The following RAPGEF2 variants were observed in gnomAD, a reference collection of about 807,000 sequenced individuals.
RAPGEF2 encodes the protein PDZ domain containing guanine nucleotide exchange factor (GEF) 1.
RAPGEF2 carries 54 observed loss-of-function variants against 186.7 expected under a neutral mutation model. That is an observed-to-expected ratio of 0.29 (90% CI 0.23 to 0.36). The LOEUF is 0.36. RAPGEF2 is among the 10% of genes least tolerant of loss of function. The probability of loss-of-function intolerance (pLI) is 1.00; values close to 1 mark genes in which losing one functional copy is unlikely to be tolerated. For missense variants in RAPGEF2, 1,532 were observed against 2,045.0 expected, an observed-to-expected ratio of 0.75 and a Z score of 4.84; for synonymous variants, 712 against 705.9, an observed-to-expected ratio of 1.01 and a Z score of -0.14.
intron 1 of RAPGEF2, among the ~76,000 whole-genome samples, chr4:159,113,610 C>T (rs1222151255): frequency 4.6e-5 from 7 of 151,694 alleles, no homozygotes; most frequent in African/African-American, 1.2e-4. Context: ...GGAGTGGTGG[C>T]GCATGCTTGT....
At chr4:159,278,179 C>T (rs1230988206) in intron 7 of RAPGEF2, among the ~76,000 whole-genome samples, 1 of 152,120 alleles carries the variant, frequency 6.6e-6, no homozygotes, top group South Asian at 2.1e-4. Flanking sequence ...CCAGTTTTCC[C>T]AGTACCATCT....
intron 1 of RAPGEF2, among the ~76,000 whole-genome samples, chr4:159,159,174 C>T (rs75642792): frequency 0.01 from 1,595 of 152,296 alleles, 36 homozygotes; most frequent in African/African-American, 0.036. Context: ...GTTTGCAGCG[C>T]CCGTCCACAG....
chr4:159,349,865 C>T (rs56145594), intron 25 of RAPGEF2, among the ~76,000 whole-genome samples: 17,670 of 152,194 alleles, frequency 0.12, 1,107 homozygotes, highest in Admixed American at 0.2. Context: ...GTGACTACTT[C>T]AAAGTTTAGA....
intron 4 of RAPGEF2, among the ~76,000 whole-genome samples, chr4:159,216,363 G>T (rs1375103906): frequency 6.6e-6 from 1 of 152,082 alleles, no homozygotes; most frequent in Non-Finnish European, 1.5e-5. Flanking sequence ...TTCAAAGATG[G>T]GTATTTTAAT....
chr4:159,185,000 C>T (rs545534348), intron 1 of RAPGEF2, among the ~76,000 whole-genome samples: 15 of 152,266 alleles, frequency 9.9e-5, no homozygotes, highest in Admixed American at 5.9e-4. Context: ...GGAATCCTTT[C>T]CCCATTTCTT....
At chr4:159,150,600 G>C (rs1164554566) in intron 1 of RAPGEF2, among the ~76,000 whole-genome samples, 2 of 152,188 alleles carry the variant, frequency 1.3e-5, no homozygotes, top group Non-Finnish European at 2.9e-5. Context: ...CTTGTTTACT[G>C]TATAAGAATT....
chr4:159,296,821 T>C (rs1177150126), intron 7 of RAPGEF2, among the ~76,000 whole-genome samples: 1 of 152,218 alleles, frequency 6.6e-6, no homozygotes, highest in African/African-American at 2.4e-5. Context: ...TATTCCTCTC[T>C]TCCATTTTCA....
chr4:159,220,390 T>C (rs1751419318), intron 4 of RAPGEF2, among the ~76,000 whole-genome samples: 1 of 152,086 alleles, frequency 6.6e-6, no homozygotes, highest in South Asian at 2.1e-4. Flanking sequence ...GGGGGAGGTG[T>C]TAGCTTTTGA....
chr4:159,307,847 T>C (rs897258761), intron 8 of RAPGEF2, among the ~76,000 whole-genome samples: 2 of 152,056 alleles, frequency 1.3e-5, no homozygotes, highest in African/African-American at 4.8e-5. Context: ...GGTGCATGCC[T>C]ATAGTCCCAG....
chr4:159,166,888 C>T (rs1333995532), intron 1 of RAPGEF2, among the ~76,000 whole-genome samples: 1 of 152,046 alleles, frequency 6.6e-6, no homozygotes, highest in Non-Finnish European at 1.5e-5. Context: ...CTGATGTGGG[C>T]AAACACTGGA....
intron 1 of RAPGEF2, among the ~76,000 whole-genome samples, chr4:159,146,872 C>T (rs556666432): frequency 6.6e-6 from 1 of 152,326 alleles, no homozygotes; most frequent in East Asian, 1.9e-4. Context: ...CTCATACTGT[C>T]TGTAATATCT....
intron 7 of RAPGEF2, among the ~76,000 whole-genome samples, chr4:159,291,314 A>G (rs1554028000): frequency 6.6e-6 from 1 of 152,022 alleles, no homozygotes; most frequent in Non-Finnish European, 1.5e-5. Flanking sequence ...TATTTTTATC[A>G]TTTTTTGAGA....
At chr4:159,268,060 C>A in intron 7 of RAPGEF2, 1 of 1,372,274 alleles carries the variant, frequency 7.3e-7, no homozygotes, top group Non-Finnish European at 9.6e-7. Context: ...TTTTTTTTTT[C>A]CTTTTTCTTT....
At chr4:159,259,479 T>A (rs2110733769) in intron 7 of RAPGEF2, among the ~76,000 whole-genome samples, 1 of 152,338 alleles carries the variant, frequency 6.6e-6, no homozygotes, top group African/African-American at 2.4e-5. Context: ...AGCACAGCTA[T>A]CTTTTTTTCT....
intron 17 of RAPGEF2, among the ~76,000 whole-genome samples, chr4:159,335,698 G>A (rs1561302258): frequency 6.6e-6 from 1 of 152,100 alleles, no homozygotes; most frequent in African/African-American, 2.4e-5. Context: ...AGCCGGGCAT[G>A]GTGGCGGACG....
chr4:159,229,911 TC>T (rs1213016587), intron 4 of RAPGEF2, among the ~76,000 whole-genome samples: 2 of 152,208 alleles, frequency 1.3e-5, no homozygotes, highest in Non-Finnish European at 2.9e-5. Flanking sequence ...TAATTTTTTT[TC>T]TTTTTTGATA....
At chr4:159,340,174 G>C (rs1729193143) in intron 19 of RAPGEF2, among the ~76,000 whole-genome samples, 1 of 152,142 alleles carries the variant, frequency 6.6e-6, no homozygotes, top group African/African-American at 2.4e-5. Context: ...GTGTTTCACT[G>C]TATTTGACTT....
At chr4:159,217,782 T>TAAGC (rs1427852330) in intron 4 of RAPGEF2, among the ~76,000 whole-genome samples, 1 of 152,238 alleles carries the variant, frequency 6.6e-6, no homozygotes, top group Non-Finnish European at 1.5e-5. Context: ...CAATAGTGTA[T>TAAGC]AAGCGTTTGC....
At chr4:159,313,440 T>G (rs910019832) in intron 8 of RAPGEF2, among the ~76,000 whole-genome samples, 1 of 152,150 alleles carries the variant, frequency 6.6e-6, no homozygotes, top group African/African-American at 2.4e-5. Context: ...GTTTTAAGGA[T>G]TAGATGAGTT....
Sources: gnomAD v4.1 joint callset for allele counts (sites outside exome capture counted in the v4.1 genomes callset) on GRCh38, gnomAD v4.1.1 for gene constraint, MANE v1.5 for transcripts, NCBI Gene and HGNC (gene_info 2026-07-23, HGNC 2026-07-21) for gene names.